ZNF365: variants seen among roughly 807,000 people sequenced by gnomAD.
ZNF365 encodes zinc finger protein 365.
In ZNF365, 22 loss-of-function variants were observed where a neutral mutation model predicts 35.0. The observed-to-expected ratio is 0.63, with a 90% CI of 0.45 to 0.90. ZNF365 has a LOEUF of 0.90. ZNF365 is among the 40% of genes least tolerant of loss of function. ZNF365 has a pLI of 0.00. For synonymous variants in ZNF365, 188 were observed against 196.2 expected, an observed-to-expected ratio of 0.96 and a Z score of 0.35; for missense variants, 448 against 500.3, an observed-to-expected ratio of 0.90 and a Z score of 1.00.
At chr10:62,397,049 A>C (rs1008194474) in intron 3 of ZNF365, among the ~76,000 whole-genome samples, 1 of 152,272 alleles carries the variant, frequency 6.6e-6, no homozygotes, top group Non-Finnish European at 1.5e-5. Context: ...TTGGTTCCCC[A>C]GAAGCTACCA....
chr10:62,399,854 G>A lies in ZNF365; in HGVS notation c.*65G>A, dbSNP rs1016085402. On this transcript the variant is annotated 3_prime_UTR_variant, in exon 5 of 5. Transcript: ENST00000395254. ...GGGAACGTTGTTCCAGGAGCCAACA[G>A]TAATGTCTTTCTGGAAACATTCCAT... is the stretch of plus-strand genomic sequence containing the variant. The A allele has an allele frequency of 4.1e-5, 62 of 1,518,360 alleles. No homozygotes were observed. Among genetic ancestry groups the A allele is most frequent in the Non-Finnish European group, 4.9e-5 (55 of 1,132,112 alleles). The allele number at this position is 1,518,360 out of a possible 1,614,324, so 94.1% of individuals were successfully genotyped here.
chr10:62,457,241 T>A (rs1840775911), intron 3 of ZNF365, among the ~76,000 whole-genome samples: 1 of 152,228 alleles, frequency 6.6e-6, no homozygotes, highest in Admixed American at 6.5e-5. Flanking sequence ...GAAAGTCACA[T>A]GACTGTACCC....
intron 4 of ZNF365, 99 bp downstream of exon 4, chr10:62,398,876 C>G: frequency 1.7e-6 from 2 of 1,195,142 alleles, no homozygotes; most frequent in Non-Finnish European, 2.3e-6. Context: ...TATATGATAT[C>G]TATATTATAA....
intron 3 of ZNF365, among the ~76,000 whole-genome samples, chr10:62,446,811 C>T (rs545381880): frequency 7.2e-5 from 11 of 152,034 alleles, no homozygotes; most frequent in Non-Finnish European, 1.3e-4. Flanking sequence ...CCTGCTCTGG[C>T]CTGGGACTGT....
rs541249700 is a variant in ZNF365, at chr10:62,382,257, C to G, written c.743+5321C>G. 1.8e-4 allele frequency among the ~76,000 whole-genome samples: 28 copies of G among 152,252 alleles called. No homozygotes were observed. In the East Asian group the frequency reaches 5.2e-3, roughly 28 times the overall value. ...AAGCAGCGACTAAGCAATGTAGTGT[C>G]CAGACTGATTCATAGCTAGAAAGCA... is the stretch of plus-strand genomic sequence containing the variant. On this transcript the variant is annotated intron_variant, in intron 2 of 4. Coordinates refer to ENST00000395254, the MANE Select transcript of ZNF365 (RefSeq NM_014951.3).
At chr10:62,471,837 G>A (rs772091993) in intron 4 of ZNF365, among the ~76,000 whole-genome samples, 37 of 152,194 alleles carry the variant, frequency 2.4e-4, no homozygotes, top group East Asian at 9.6e-4. Context: ...TACCTTGTCC[G>A]CAAGAGGCAG....
chr10:62,417,363 T>A (rs887022134), intron 3 of ZNF365, among the ~76,000 whole-genome samples: 10 of 152,180 alleles, frequency 6.6e-5, no homozygotes, highest in Admixed American at 5.9e-4. Flanking sequence ...CATTTAATAG[T>A]CTTTCATAAA....
Position 62,401,012 on chromosome 10 carries a change from A to G in ZNF365, c.*1223A>G, listed in dbSNP as rs1276698035. On this transcript the variant is annotated 3_prime_UTR_variant, in exon 5 of 5. Coordinates refer to ENST00000395254, the MANE Select transcript of ZNF365 (RefSeq NM_014951.3). Reference sequence around the variant, plus strand: ...AATTTCCTGCTGTATGATTTTCCTCAAGAATGAATTTCCATGTTATTTTTT... The same window carrying G: ...AATTTCCTGCTGTATGATTTTCCTCGAGAATGAATTTCCATGTTATTTTTT... The G allele has an allele frequency of 1.0e-6, 1 of 985,438 alleles. No homozygotes were observed. Among genetic ancestry groups the G allele is most frequent in the East Asian group, 1.1e-4 (1 of 8,960 alleles). 61.0% of individuals were successfully genotyped at this position (985,438 alleles called of 1,614,324 possible). A position where few individuals can be genotyped will look rare whatever the true frequency, so the allele number is the denominator to read the frequency against.
chr10:62,375,894 T>A (rs992209987), intron 1 of ZNF365: 7 of 312,026 alleles, frequency 2.2e-5, no homozygotes, highest in African/African-American at 1.5e-4. Flanking sequence ...GTAAAGGTAG[T>A]AAATATTTTA....
intron 4 of ZNF365, among the ~76,000 whole-genome samples, chr10:62,462,895 A>C (rs1840870999): frequency 6.6e-6 from 1 of 152,210 alleles, no homozygotes; most frequent in South Asian, 2.1e-4. Flanking sequence ...CAAGGGATCT[A>C]TCTCTGCCAG....
intron 3 of ZNF365, among the ~76,000 whole-genome samples, chr10:62,417,871 A>G (rs1382137414): frequency 1.3e-5 from 2 of 151,956 alleles, no homozygotes; most frequent in Admixed American, 1.3e-4. Flanking sequence ...GATATATATG[A>G]AAAAGGAAAT....
In ZNF365 at chr10:62,376,781, A is replaced by G. The variant is rs770638494; in HGVS notation, c.588A>G (p.Glu196=). 2 of 1,614,204 alleles carry G rather than the reference A, an allele frequency of 1.2e-6. No individual in the cohort carries two copies. Among genetic ancestry groups the G allele is most frequent in the East Asian group, 2.2e-5 (1 of 44,888 alleles). The change falls in exon 2 of 5, where the codon GAA becomes GAG. Residue 196 remains glutamate, a synonymous_variant. Coordinates refer to ENST00000395254, the MANE Select transcript of ZNF365 (RefSeq NM_014951.3). The part of the protein sequence containing the change: ...ELAQKTAELL[E]VRAAFVQLTQ... ...CCCAGAAAACTGCGGAACTGTTGGA[A>G]GTTCGGGCAGCTTTTGTGCAGCTGA...
At chr10:62,475,262 A>G (rs1267568880) in intron 4 of ZNF365, among the ~76,000 whole-genome samples, 3 of 152,168 alleles carry the variant, frequency 2.0e-5, no homozygotes, top group African/African-American at 7.2e-5. Context: ...CTCAAATACA[A>G]TAGAAAGACA....
chr10:62,430,253 G>GTTT (rs34778344), intron 3 of ZNF365, among the ~76,000 whole-genome samples: 3 of 101,892 alleles, frequency 2.9e-5, no homozygotes, highest in Admixed American at 1.0e-4. Context: ...TTTGGAAAAG[G>GTTT]TTTTTTTTTT....
intron 4 of ZNF365, chr10:62,479,764 A>G: frequency 1.3e-6 from 1 of 751,766 alleles, no homozygotes; most frequent in Non-Finnish European, 2.4e-6. Flanking sequence ...AGTTGCCAGT[A>G]CAATTGTTTG....
chr10:62,471,830 C>T (rs778831737), intron 4 of ZNF365, among the ~76,000 whole-genome samples: 6 of 152,062 alleles, frequency 3.9e-5, no homozygotes, highest in Non-Finnish European at 7.4e-5. Flanking sequence ...TTTAAATTAC[C>T]TTGTCCGCAA....
chr10:62,411,503 C>A (rs1234672863), intron 3 of ZNF365, among the ~76,000 whole-genome samples: 1 of 152,100 alleles, frequency 6.6e-6, no homozygotes, highest in Non-Finnish European at 1.5e-5. Flanking sequence ...TGTGGCTAGC[C>A]AGTTCTTCTG....
At chr10:62,387,221 T>C (rs938605626) in intron 2 of ZNF365, among the ~76,000 whole-genome samples, 2 of 152,104 alleles carry the variant, frequency 1.3e-5, no homozygotes, top group African/African-American at 4.8e-5. Context: ...ACTGGGTCCT[T>C]GGCCTAGGAA....
At chr10:62,385,766 A>G (rs1223482834) in intron 2 of ZNF365, among the ~76,000 whole-genome samples, 1 of 152,232 alleles carries the variant, frequency 6.6e-6, no homozygotes, top group Non-Finnish European at 1.5e-5. Flanking sequence ...CTTAGAACAG[A>G]GAACAAAAGC....
Sources: allele counts gnomAD v4.1 joint callset (sites outside exome capture counted in the v4.1 genomes callset), GRCh38; gene constraint gnomAD v4.1.1; transcripts MANE v1.5; gene names NCBI Gene and HGNC (gene_info 2026-07-23, HGNC 2026-07-21).